The following ZNF544 variants were observed in gnomAD, a reference collection of about 807,000 sequenced individuals.
ZNF544 encodes the protein zinc finger protein 544, also known as zinc finger protein AF020591.
In ZNF544, 10 loss-of-function variants were observed where a neutral mutation model predicts 13.5. The ratio of observed to expected loss-of-function variants is 0.74; its 90% CI spans 0.46 to 1.25. The LOEUF (loss-of-function observed/expected upper bound fraction) is 1.25. Among genes scored for constraint, ZNF544 ranks in the 50% most tolerant of loss-of-function variants. The pLI is 0.00. For synonymous variants in ZNF544, 323 were observed against 300.5 expected (o/e 1.07, Z -0.77); for missense variants, 896 against 845.6 (o/e 1.06, Z -0.74).
chr19:58,261,437 C>T lies in ZNF544; in HGVS notation c.831C>T (p.Asn277=). 1 of 1,614,154 alleles carries T rather than the reference C, an allele frequency of 6.2e-7. No homozygotes were observed. The highest frequency in any genetic ancestry group is 8.5e-7 in the Non-Finnish European group (1 of 1,180,046). The change falls in exon 7 of 7, where the codon AAC becomes AAT. Residue 277 remains asparagine (N), a synonymous_variant. Transcript: ENST00000687789. The part of the protein sequence containing the change: ...KKSDDCKDYG[N]LFSHSVSLNE... ...GTGATGACTGTAAGGATTATGGAAA[C>T]CTCTTCAGTCACAGTGTGTCTCTGA...
At chr19:58,265,056 C>T (rs1026426385), downstream of ZNF544, among the ~76,000 whole-genome samples, 5 of 152,076 alleles carry the variant, frequency 3.3e-5, no homozygotes, top group Non-Finnish European at 7.4e-5. Context: ...TTCAGGGATT[C>T]GGTTGTGCTT....
chr19:58,276,716 C>T (rs1417529007), intron 6 of ZNF544, among the ~76,000 whole-genome samples: 2 of 152,216 alleles, frequency 1.3e-5, no homozygotes, highest in Non-Finnish European at 2.9e-5. Context: ...GATCCACCCA[C>T]CTCAGCCTCC....
intron 3 of ZNF544, among the ~76,000 whole-genome samples, chr19:58,234,847 T>G (rs895216336): frequency 1.3e-5 from 2 of 152,234 alleles, no homozygotes; most frequent in Non-Finnish European, 2.9e-5. Flanking sequence ...ATTACAGCTA[T>G]TACAAAAATT....
rs755040116 is a variant in ZNF544, at chr19:58,261,751, G to A, written c.1145G>A (p.Cys382Tyr). The A allele has an allele frequency of 1.1e-5, 18 of 1,614,066 alleles. No individual in the cohort carries two copies. The highest frequency in any genetic ancestry group is 4.4e-5 in the South Asian group (4 of 91,088). ...RTHTGEKPFE[C>Y]TQCGKSFSQS... ...CACACTGGAGAAAAGCCCTTCGAAT[G>A]TACTCAGTGTGGGAAATCTTTTAGC... The change falls in exon 7 of 7, where the codon TGT (cysteine) becomes TAT (tyrosine). Residue 382 changes from cysteine to tyrosine, a missense_variant. Transcript: ENST00000687789.
In ZNF544 at chr19:58,254,140, C is replaced by T. The variant is rs79392191; in HGVS notation, c.245-6711C>T. ...TTGAGAGGCTGAGGCAGGAGAATGG[C>T]GTGAACCCGGGAGGCATAGCTTGCA... On this transcript the variant is annotated intron_variant, in intron 6 of 6. Coordinates refer to ENST00000687789, the MANE Select transcript of ZNF544 (RefSeq NM_014480.4). Among the ~76,000 whole-genome samples, 878 of 151,980 alleles carry T rather than the reference C, an allele frequency of 5.8e-3. 18 individuals carry two copies. The East Asian group carries it at 0.071, about 12-fold the overall frequency.
chr19:58,241,275 A>T (rs1246797686), intron 3 of ZNF544, among the ~76,000 whole-genome samples: 5 of 137,210 alleles, frequency 3.6e-5, no homozygotes, highest in Admixed American at 7.6e-5. Context: ...GCCTCCCAAA[A>T]TGTTGGGATT....
intron 5 of ZNF544, among the ~76,000 whole-genome samples, chr19:58,273,506 G>C (rs991317587): frequency 2.0e-5 from 3 of 151,718 alleles, no homozygotes; most frequent in Admixed American, 6.6e-5. Context: ...CTGGCCAACA[G>C]GCCGAAACCC....
At chr19:58,252,617 C>A (rs1460218184) in intron 6 of ZNF544, among the ~76,000 whole-genome samples, 2 of 152,080 alleles carry the variant, frequency 1.3e-5, no homozygotes, top group Non-Finnish European at 1.5e-5. Flanking sequence ...TCTTTCTTAC[C>A]AATAGCACAT....
At chr19:58,253,776 A>G (rs2046713953) in intron 6 of ZNF544, among the ~76,000 whole-genome samples, 1 of 152,208 alleles carries the variant, frequency 6.6e-6, no homozygotes, top group East Asian at 1.9e-4. Flanking sequence ...CATACAAACC[A>G]GGACCATTTT....
intron 5 of ZNF544, among the ~76,000 whole-genome samples, chr19:58,275,092 C>T (rs1360847935): frequency 6.6e-6 from 1 of 151,940 alleles, no homozygotes; most frequent in Non-Finnish European, 1.5e-5. Context: ...GCCTGAAATC[C>T]CCTCCTTTTC....
chr19:58,232,444 C>T lies in ZNF544; in HGVS notation c.-60+1982C>T, dbSNP rs367735446. Reference sequence around the variant, plus strand: ...ACAGCTCACTGCAGCCTTGACCTCCCGGCTCAAGTGATCCTCCCACCTCAG... The same window carrying T: ...ACAGCTCACTGCAGCCTTGACCTCCTGGCTCAAGTGATCCTCCCACCTCAG... On this transcript the variant is annotated intron_variant, in intron 3 of 6. Transcript: ENST00000687789. Among the ~76,000 whole-genome samples the T allele has an allele frequency of 5.3e-5, 8 of 149,770 alleles. No homozygotes were observed. The East Asian group carries it at 5.9e-4, about 11-fold the overall frequency.
chr19:58,263,245 G>A lies in ZNF544; in HGVS notation c.*491G>A. 1.0e-6 allele frequency: 1 copy of A among 969,478 alleles called. No homozygotes were observed. The highest frequency in any genetic ancestry group is 1.2e-6 in the Non-Finnish European group (1 of 814,588). 60.1% of individuals were successfully genotyped at this position (969,478 alleles called of 1,614,324 possible). A position where few individuals can be genotyped will look rare whatever the true frequency, so the allele number is the denominator to read the frequency against. ...CGAGGCCGAGGCAGGTGGATCACTT[G>A]AGCCCAGGAGTTTGAAACCAGCCTG... On this transcript the variant is annotated 3_prime_UTR_variant, in exon 7 of 7. Transcript: ENST00000687789.
At chr19:58,251,912 C>T (rs2046353264) in intron 6 of ZNF544, among the ~76,000 whole-genome samples, 1 of 152,084 alleles carries the variant, frequency 6.6e-6, no homozygotes, top group Non-Finnish European at 1.5e-5. Flanking sequence ...CCTTAGCAAC[C>T]CCTTGAGTTA....
At chr19:58,260,801 TC>T in intron 6 of ZNF544, 49 bp from the exon 7 acceptor site, 1 of 1,175,040 alleles carries the variant, frequency 8.5e-7, no homozygotes, top group African/African-American at 1.6e-5. Context: ...CCCCTCCCCC[TC>T]CCCCTCTGAT....
intron 6 of ZNF544, among the ~76,000 whole-genome samples, chr19:58,247,863 C>T (rs1460370945): frequency 6.6e-6 from 1 of 152,094 alleles, no homozygotes; most frequent in African/African-American, 2.4e-5. Context: ...CTGCTGTTAA[C>T]AACTTGGATT....
In ZNF544 at chr19:58,261,735, G is replaced by T. The variant is rs2048995690; in HGVS notation, c.1129G>T (p.Glu377Ter). Residue 377 changes from glutamate to a stop codon, truncating the protein, a stop_gained, in exon 7 of 7, where the codon GAA (glutamate) becomes TAA (stop). Coordinates refer to ENST00000687789, the MANE Select transcript of ZNF544 (RefSeq NM_014480.4). LOFTEE classifies it low-confidence loss of function (END_TRUNC). ...KLIHQRTHTG[E>*]KPFECTQCGK... ...CATACACCAGAGAACACACACTGGA[G>T]AAAAGCCCTTCGAATGTACTCAGTG... 2 of 1,614,236 alleles carry T rather than the reference G, an allele frequency of 1.2e-6. No individual in the cohort carries two copies. Among genetic ancestry groups the T allele is most frequent in the African/African-American group, 1.3e-5 (1 of 75,064 alleles).
chr19:58,271,193 CAG>C (rs1484439939), intron 5 of ZNF544, among the ~76,000 whole-genome samples: 10 of 141,698 alleles, frequency 7.1e-5, no homozygotes, highest in African/African-American at 2.4e-4. Context: ...GCCTGGGCAA[CAG>C]AGTCAGACTC....
At chr19:58,250,192 TCA>T (rs1319645011) in intron 6 of ZNF544, among the ~76,000 whole-genome samples, 1 of 152,216 alleles carries the variant, frequency 6.6e-6, no homozygotes, top group African/African-American at 2.4e-5. Flanking sequence ...CTTGTTGTTT[TCA>T]CTTTCCCAAG....
chr19:58,277,193 C>G (rs1165430049), exon 7 of ZNF544: 6 of 1,231,454 alleles, frequency 4.9e-6, no homozygotes, highest in Non-Finnish European at 6.1e-6. Flanking sequence ...GAACGAGGCC[C>G]AGCAAAAAGC....
Sources: allele counts gnomAD v4.1 joint callset (sites outside exome capture counted in the v4.1 genomes callset), GRCh38; gene constraint gnomAD v4.1.1; transcripts MANE v1.5; gene names NCBI Gene and HGNC (gene_info 2026-07-23, HGNC 2026-07-21).